The following CEP128 variants were observed in gnomAD, a reference collection of about 807,000 sequenced individuals.
The protein encoded by CEP128 is centrosomal protein 128kDa.
Under a neutral mutation model 156.7 loss-of-function variants are expected in CEP128, and 132 were observed. The ratio of observed to expected loss-of-function variants is 0.84; its 90% confidence interval spans 0.73 to 0.97. CEP128 has a LOEUF of 0.97. CEP128 is among the 50% of genes least tolerant of loss of function. The pLI, the probability that CEP128 is intolerant of heterozygous loss-of-function variation, is 0.00. For missense variants in CEP128, 1,252 were observed against 1,281.9 expected, an observed-to-expected ratio of 0.98 and a Z score of 0.36; for synonymous variants, 469 against 448.9, an observed-to-expected ratio of 1.04 and a Z score of -0.57.
At chr14:80,876,985 C>A (rs578241271) in intron 8 of CEP128, among the ~76,000 whole-genome samples, 1 of 152,066 alleles carries the variant, frequency 6.6e-6, no homozygotes, top group Non-Finnish European at 1.5e-5. Context: ...AATAGTCATG[C>A]CTTCTAAGGC....
At chr14:80,718,701 C>T (rs778112260) in intron 19 of CEP128, among the ~76,000 whole-genome samples, 6 of 152,126 alleles carry the variant, frequency 3.9e-5, no homozygotes, top group Non-Finnish European at 8.8e-5. Context: ...TCTGTGAGAA[C>T]ATTAATCTGT....
At chr14:80,715,852 T>C (rs1247316332) in intron 19 of CEP128, among the ~76,000 whole-genome samples, 1 of 152,186 alleles carries the variant, frequency 6.6e-6, no homozygotes, top group Non-Finnish European at 1.5e-5. Context: ...AGAGTTGTGG[T>C]AAGGACTGAG....
intron 19 of CEP128, among the ~76,000 whole-genome samples, chr14:80,583,577 A>G (rs1282010330): frequency 6.6e-6 from 1 of 152,164 alleles, no homozygotes; most frequent in African/African-American, 2.4e-5. Flanking sequence ...CTGAAGCCAC[A>G]CCTTATATTA....
downstream of CEP128, among the ~76,000 whole-genome samples, chr14:80,495,855 G>C (rs377754889): frequency 2.3e-4 from 35 of 152,182 alleles, no homozygotes; most frequent in African/African-American, 8.4e-4. Flanking sequence ...TATTTAGGAC[G>C]AAGGAGATAA....
intron 23 of CEP128, among the ~76,000 whole-genome samples, chr14:80,507,193 C>T (rs1391278716): frequency 2.6e-5 from 4 of 151,920 alleles, no homozygotes; most frequent in Non-Finnish European, 5.9e-5. Flanking sequence ...ATTACCCAGG[C>T]TCAGGTATTT....
At chr14:80,547,134 T>A (rs1043851107) in intron 21 of CEP128, among the ~76,000 whole-genome samples, 1 of 152,124 alleles carries the variant, frequency 6.6e-6, no homozygotes, top group African/African-American at 2.4e-5. Flanking sequence ...AAGATAGAAC[T>A]AGTAATGCAA....
At chr14:80,588,729 A>G (rs1196839104) in intron 19 of CEP128, among the ~76,000 whole-genome samples, 2 of 152,146 alleles carry the variant, frequency 1.3e-5, no homozygotes, top group African/African-American at 4.8e-5. Flanking sequence ...AAGTGTTTGC[A>G]TCTTACAAAT....
intron 24 of CEP128, among the ~76,000 whole-genome samples, chr14:80,500,933 T>C (rs80149962): frequency 8.8e-4 from 134 of 152,332 alleles, no homozygotes; most frequent in African/African-American, 3.1e-3. Context: ...GGTTTATTAA[T>C]TGACTCTTGT....
chr14:80,486,409 T>C (rs1159616870), downstream of CEP128, among the ~76,000 whole-genome samples: 1 of 151,896 alleles, frequency 6.6e-6, no homozygotes, highest in Non-Finnish European at 1.5e-5. Context: ...TACCTGAAAG[T>C]GACAGGGAGA....
At chr14:80,806,112 A>G (rs1253122886) in intron 13 of CEP128, among the ~76,000 whole-genome samples, 1 of 152,172 alleles carries the variant, frequency 6.6e-6, no homozygotes, top group Non-Finnish European at 1.5e-5. Context: ...ATATGCCATT[A>G]TCATTTTCTT....
At chr14:80,628,001 C>T (rs1440517373) in intron 19 of CEP128, among the ~76,000 whole-genome samples, 3 of 152,138 alleles carry the variant, frequency 2.0e-5, no homozygotes, top group African/African-American at 7.2e-5. Flanking sequence ...ATATCCTCAG[C>T]ACAGCTCTCT....
downstream of CEP128, among the ~76,000 whole-genome samples, chr14:80,493,432 T>C (rs1410642149): frequency 6.6e-6 from 1 of 152,176 alleles, no homozygotes; most frequent in Non-Finnish European, 1.5e-5. Flanking sequence ...TCAAACATCT[T>C]CCTGAAAGGA....
At chr14:80,679,242 A>C (rs572390847) in intron 19 of CEP128, among the ~76,000 whole-genome samples, 1 of 152,352 alleles carries the variant, frequency 6.6e-6, no homozygotes, top group Non-Finnish European at 1.5e-5. Flanking sequence ...TTAGGGAACA[A>C]GGGAAGACAA....
intron 13 of CEP128, among the ~76,000 whole-genome samples, chr14:80,815,967 G>A (rs1192604959): frequency 6.6e-6 from 1 of 152,012 alleles, no homozygotes; most frequent in African/African-American, 2.4e-5. Context: ...TGGGAGGGAA[G>A]TTTGAGATGA....
downstream of CEP128, among the ~76,000 whole-genome samples, chr14:80,487,723 C>T (rs958605918): frequency 1.5e-4 from 23 of 152,266 alleles, no homozygotes; most frequent in Admixed American, 1.2e-3. Context: ...CTAAGAAACT[C>T]ACTCAAAACT....
chr14:80,830,636 A>G (rs993653278), intron 13 of CEP128: 2 of 173,050 alleles, frequency 1.2e-5, no homozygotes, highest in African/African-American at 4.8e-5. Context: ...CACGGTTACC[A>G]TATCATCCAT....
At chr14:80,619,367 GACACACACACACACACACAC>G (rs34190837) in intron 19 of CEP128, among the ~76,000 whole-genome samples, 21 of 139,474 alleles carry the variant, frequency 1.5e-4, no homozygotes, top group Non-Finnish European at 1.5e-5. Flanking sequence ...AAGACACACA[GACACACACACACACACACAC>G]ACACACACAC....
chr14:80,812,087 G>A (rs920226624), intron 13 of CEP128, among the ~76,000 whole-genome samples: 1 of 152,062 alleles, frequency 6.6e-6, no homozygotes, highest in African/African-American at 2.4e-5. Flanking sequence ...AGTGTCTATT[G>A]TTCCTTTCTT....
intron 23 of CEP128, among the ~76,000 whole-genome samples, chr14:80,520,223 A>C (rs984794795): frequency 3.3e-5 from 5 of 152,170 alleles, no homozygotes; most frequent in Non-Finnish European, 5.9e-5. Flanking sequence ...GTTGGAGACC[A>C]GCCTGGCCAA....
Sources: gnomAD v4.1 joint callset for allele counts (sites outside exome capture counted in the v4.1 genomes callset) on GRCh38, gnomAD v4.1.1 for gene constraint, MANE v1.5 for transcripts, NCBI Gene and HGNC (gene_info 2026-07-23, HGNC 2026-07-21) for gene names.